ITGA2: variants seen among roughly 807,000 people sequenced by gnomAD.
ITGA2 encodes the protein integrin alpha-2.
A neutral mutation model predicts 146.3 loss-of-function variants in ITGA2; 101 were observed. The ratio of observed to expected loss-of-function variants is 0.69; its 90% CI spans 0.59 to 0.81. The LOEUF (loss-of-function observed/expected upper bound fraction) is 0.81, where lower values mean the gene tolerates loss of function less well. ITGA2 is among the 40% of genes least tolerant of loss of function. The pLI is 0.00. For synonymous variants in ITGA2, 477 were observed against 487.1 expected (o/e 0.98, Z 0.27); for missense variants, 1,281 against 1,402.7 (o/e 0.91, Z 1.39).
At chr5:52,999,644 A>G (rs948245796) in intron 1 of ITGA2, among the ~76,000 whole-genome samples, 2 of 152,108 alleles carry the variant, frequency 1.3e-5, no homozygotes, top group Admixed American at 6.6e-5. Context: ...AACACTGAGC[A>G]TGGTGAATCT....
At chr5:52,995,207 G>A (rs1287192962) in intron 1 of ITGA2, among the ~76,000 whole-genome samples, 4 of 152,192 alleles carry the variant, frequency 2.6e-5, no homozygotes, top group African/African-American at 7.2e-5. Flanking sequence ...TGTAAGTCAT[G>A]ATATAGAGCA....
chr5:53,076,452 A>G (rs371132337), intron 23 of ITGA2, among the ~76,000 whole-genome samples: 41 of 152,050 alleles, frequency 2.7e-4, no homozygotes, highest in African/African-American at 9.4e-4. Flanking sequence ...TGCAAATAGC[A>G]CAAGCAGAAA....
intron 1 of ITGA2, among the ~76,000 whole-genome samples, chr5:52,993,554 G>T (rs1741077339): frequency 6.6e-6 from 1 of 152,134 alleles, no homozygotes; most frequent in South Asian, 2.1e-4. Flanking sequence ...TAGTGGCTGT[G>T]AGCGGCTGTG....
intron 27 of ITGA2, among the ~76,000 whole-genome samples, chr5:53,086,552 A>G (rs976597930): frequency 6.6e-6 from 1 of 152,136 alleles, no homozygotes; most frequent in Non-Finnish European, 1.5e-5. Context: ...CAAGTTTACA[A>G]TTTTCTCTCA....
In ITGA2 at chr5:53,081,715, G is replaced by T; in HGVS notation, c.3144+19G>T. On this transcript the variant is annotated intron_variant, in intron 26 of 29. Transcript: ENST00000296585. ...AGAATTGGTGAGGACAAGTTAACGT[G>T]TGAAAGCTCCCCTCATTCATTTATT... 3.3e-6 allele frequency: 5 copies of T among 1,504,750 alleles called. No homozygotes were observed. The highest frequency in any genetic ancestry group is 4.6e-6 in the Non-Finnish European group (5 of 1,083,474). The allele number at this position is 1,504,750 out of a possible 1,614,324, so 93.2% of individuals were successfully genotyped here.
At position 53,093,439 on chromosome 5, in the gene ITGA2, G is replaced by T. The variant is rs1178481659; in HGVS notation, c.*2840G>T. 1 of 152,056 alleles carries T rather than the reference G, an allele frequency of 6.6e-6. No homozygotes were observed. The highest frequency in any genetic ancestry group is 1.9e-4 in the East Asian group (1 of 5,174). The allele number at this position is 152,056 out of a possible 1,614,324, so 9.4% of individuals were successfully genotyped here. On this transcript the variant is annotated 3_prime_UTR_variant, in exon 30 of 30. Transcript: ENST00000296585. ...GGGGCCAGGTGATTCTTCCTTGCAG[G>T]GGCTGTCCTGTACCTTGTAGGACAG... is the stretch of plus-strand genomic sequence containing the variant.
intron 2 of ITGA2, among the ~76,000 whole-genome samples, chr5:53,036,578 A>G (rs1279276504): frequency 1.3e-5 from 2 of 152,090 alleles, no homozygotes; most frequent in Non-Finnish European, 2.9e-5. Flanking sequence ...TTACCTTCTC[A>G]GTGAGGCCTT....
intron 23 of ITGA2, among the ~76,000 whole-genome samples, chr5:53,077,264 G>C (rs995873507): frequency 6.6e-6 from 1 of 151,808 alleles, no homozygotes; most frequent in Non-Finnish European, 1.5e-5. Flanking sequence ...ACCATCATAA[G>C]CAATGCTGCA....
chr5:53,080,603 TG>T lies in ITGA2; in HGVS notation c.3025del (p.Val1009CysfsTer18). On this transcript the variant is annotated frameshift_variant, in exon 25 of 30. Transcript: ENST00000296585. LOFTEE classifies it high-confidence loss of function. ...AAAAGAACCCACTGATGTACCTAAC[TG>T]GGGTGCAAACAGACAAGGTAAAGAT... ...KEKNPLMYLT[G>X]VQTDKAGDIS... is the part of the protein sequence containing the mutation. 6.2e-7 allele frequency: 1 copy of T among 1,612,872 alleles called. No individual in the cohort carries two copies. Among genetic ancestry groups the T allele is most frequent in the Non-Finnish European group, 8.5e-7 (1 of 1,179,046 alleles).
rs1740336272 is a variant in ITGA2 at position 53,090,033 on chromosome 5, C to T, written c.3436C>T (p.Leu1146=). The T allele has an allele frequency of 2.5e-6, 4 of 1,611,240 alleles. No individual in the cohort carries two copies. Among genetic ancestry groups the T allele is most frequent in the East Asian group, 2.2e-5 (1 of 44,844 alleles). Residue 1146 remains leucine (L), a synonymous_variant, in exon 29 of 30, where the codon CTG becomes TTG. Coordinates refer to ENST00000296585, the MANE Select transcript of ITGA2 (RefSeq NM_002203.4). ...IGSIIAGILL[L]LALVAILWKL... ...AAGTATAATTGCTGGAATCCTTTTG[C>T]TGTTAGCTCTGGTTGCAATTTTATG... is the stretch of plus-strand genomic sequence containing the variant.
intron 2 of ITGA2, among the ~76,000 whole-genome samples, chr5:53,036,387 C>T (rs912996976): frequency 1.3e-5 from 2 of 152,152 alleles, no homozygotes; most frequent in African/African-American, 4.8e-5. Context: ...TTAATCATTA[C>T]GTACAAGTCA....
chr5:53,081,545 T>C, intron 25 of ITGA2, 47 bp from the exon 26 acceptor site: 1 of 1,390,916 alleles, frequency 7.2e-7, no homozygotes, highest in Admixed American at 1.8e-5. Flanking sequence ...AGGAACATCA[T>C]AAACTGTTTT....
intron 12 of ITGA2, among the ~76,000 whole-genome samples, chr5:53,062,382 C>T (rs1744941316): frequency 6.6e-6 from 1 of 151,926 alleles, no homozygotes; most frequent in African/African-American, 2.4e-5. Context: ...TCTACCCCTC[C>T]TGCCTTTTGC....
chr5:53,024,449 TA>T (rs777867572), intron 1 of ITGA2, among the ~76,000 whole-genome samples: 25 of 151,678 alleles, frequency 1.6e-4, no homozygotes, highest in South Asian at 6.3e-4. Context: ...TGCATTTTAT[TA>T]AAAAAAAATC....
chr5:53,055,569 C>T lies in ITGA2; in HGVS notation c.811C>T (p.Arg271Ter), dbSNP rs762147632. 26 of 1,612,754 alleles carry T rather than the reference C, an allele frequency of 1.6e-5. No homozygotes were observed. The South Asian group carries it at 1.8e-4, about 11-fold the overall frequency. Residue 271 changes from arginine to a stop codon, truncating the protein, a stop_gained, in exon 8 of 30, where the codon CGA (arginine) becomes TGA (stop). Transcript: ENST00000296585. LOFTEE classifies it high-confidence loss of function. ...KYAYSAASGG[R>*]RSATKVMVVV... ...TGCTTATTCAGCAGCTTCTGGTGGGCGACGAAGTGCTACGAAAGTAATGGT... is the reference window on the plus strand; with the variant it reads ...TGCTTATTCAGCAGCTTCTGGTGGGTGACGAAGTGCTACGAAAGTAATGGT...
chr5:53,018,215 C>A (rs1742494189), intron 1 of ITGA2, among the ~76,000 whole-genome samples: 1 of 152,164 alleles, frequency 6.6e-6, no homozygotes, highest in Non-Finnish European at 1.5e-5. Flanking sequence ...CCTATAGGAG[C>A]ACGGCAGGCC....
At chr5:53,020,867 G>A (rs867407388) in intron 1 of ITGA2, among the ~76,000 whole-genome samples, 1 of 79,862 alleles carries the variant, frequency 1.3e-5, no homozygotes, top group Non-Finnish European at 2.7e-5. Flanking sequence ...TTTTTTTTTT[G>A]TATTTTTAGT....
At chr5:53,063,061 T>C in intron 13 of ITGA2, 132 bp downstream of exon 13, 1 of 754,068 alleles carries the variant, frequency 1.3e-6, no homozygotes, top group South Asian at 1.8e-5. Flanking sequence ...TTCATCATTT[T>C]TGAGGATGTC....
chr5:53,039,441 A>G (rs2111873430), intron 2 of ITGA2, among the ~76,000 whole-genome samples: 1 of 152,222 alleles, frequency 6.6e-6, no homozygotes, highest in South Asian at 2.1e-4. Flanking sequence ...TTTTACATTT[A>G]CTTGGACCAA....
Sources: gnomAD v4.1 joint callset for allele counts (sites outside exome capture counted in the v4.1 genomes callset) on GRCh38, gnomAD v4.1.1 for gene constraint, MANE v1.5 for transcripts, NCBI Gene and HGNC (gene_info 2026-07-23, HGNC 2026-07-21) for gene names.